Variants in UBE2V1 observed in about 807,000 individuals in gnomAD.
The protein encoded by UBE2V1 is ubiquitin conjugating enzyme E2 V1, also known as ubiquitin-conjugating enzyme E2 variant 1.
A neutral mutation model predicts 19.6 loss-of-function variants in UBE2V1; 15 were observed. The observed-to-expected ratio is 0.77, with a 90% CI of 0.51 to 1.18. The LOEUF (loss-of-function observed/expected upper bound fraction) is 1.18, where lower values mean the gene tolerates loss of function less well. UBE2V1 is among the 50% of genes most tolerant of loss of function. The probability of loss-of-function intolerance (pLI) is 0.00; values close to 1 mark genes in which losing one functional copy is unlikely to be tolerated. For synonymous variants in UBE2V1, 60 were observed against 60.7 expected, an observed-to-expected ratio of 0.99 and a Z score of 0.05; for missense variants, 125 against 184.8, an observed-to-expected ratio of 0.68 and a Z score of 1.88.
Position 50,084,124 on chromosome 20 carries a change from C to G in UBE2V1, c.297+5G>C. 1 of 1,574,174 alleles carries G rather than the reference C, an allele frequency of 6.4e-7. No individual in the cohort carries two copies. Among genetic ancestry groups the G allele is most frequent in the Non-Finnish European group, 8.6e-7 (1 of 1,164,606 alleles). On this transcript the variant is annotated splice_donor_5th_base_variant and intron_variant, in intron 3 of 3. Transcript: ENST00000371674. ...GGAACAAGTGGGACAGAGAAAACAA[C>G]TTACCACTCCATTAGAACTATTTAC...
At chr20:50,113,243 C>T, upstream of UBE2V1, 1 of 803,442 alleles carries the variant, frequency 1.2e-6, no homozygotes, top group Non-Finnish European at 1.7e-6. Flanking sequence ...ACGCCCGCCC[C>T]GGAGACCTGC....
chr20:50,088,806 G>A (rs536528480), intron 2 of UBE2V1, among the ~76,000 whole-genome samples: 1 of 146,820 alleles, frequency 6.8e-6, no homozygotes, highest in East Asian at 2.0e-4. Context: ...AAAAAAGTAT[G>A]AGATATGAGA....
chr20:50,098,472 AC>A (rs1158641544), intron 1 of UBE2V1, among the ~76,000 whole-genome samples: 2 of 152,150 alleles, frequency 1.3e-5, no homozygotes, highest in African/African-American at 4.8e-5. Context: ...AAAAGATAAT[AC>A]CCGTTTGGAC....
At chr20:50,097,070 C>T (rs1203880695) in intron 1 of UBE2V1, among the ~76,000 whole-genome samples, 2 of 152,164 alleles carry the variant, frequency 1.3e-5, no homozygotes, top group African/African-American at 4.8e-5. Flanking sequence ...TAGAAAGATA[C>T]CCCACCCCTA....
rs115245973 is a variant in UBE2V1 at position 50,083,054 on chromosome 20, C to T, written c.298-140G>A. 9.5e-4 allele frequency: 1,293 copies of T among 1,355,808 alleles called. 7 individuals are homozygous for T. The highest frequency in any genetic ancestry group is 7.2e-3 in the African/African-American group (487 of 68,104). 84.0% of individuals were successfully genotyped at this position (1,355,808 alleles called of 1,614,324 possible). On this transcript the variant is annotated intron_variant, in intron 3 of 3. Transcript: ENST00000371674. ...GCTGCTAATCCTAATACCTTACATG[C>T]GGAATACCTACCTGCTAGAGTCCCT... is the stretch of plus-strand genomic sequence containing the variant.
Position 50,096,796 on chromosome 20 carries a change from C to G in UBE2V1, c.47G>C (p.Arg16Pro). 2 of 1,613,902 alleles carry G rather than the reference C, an allele frequency of 1.2e-6. No individual in the cohort carries two copies. The highest frequency in any genetic ancestry group is 1.7e-6 in the Non-Finnish European group (2 of 1,179,924). ...GCCTTCTTCGAGTTCTTCCAACAGT[C>G]GGAAATTGCGAGGGACTTTTACTCC... The part of the protein sequence containing the change: ...GSGVKVPRNF[R>P]LLEELEEGQK... The change falls in exon 2 of 4, where the codon CGA becomes CCA. Residue 16 changes from arginine (R) to proline (P), a missense_variant. Coordinates refer to ENST00000371674, the MANE Select transcript of UBE2V1 (RefSeq NM_001032288.3).
At chr20:50,106,844 AAACAAC>A (rs943087739) in intron 1 of UBE2V1, among the ~76,000 whole-genome samples, 13 of 131,698 alleles carry the variant, frequency 9.9e-5, no homozygotes, top group Non-Finnish European at 1.8e-4. Context: ...TCAAAACCAA[AAACAAC>A]AACAACAACA....
intron 1 of UBE2V1, chr20:50,098,852 G>C: frequency 1.1e-6 from 1 of 896,858 alleles, no homozygotes; most frequent in Non-Finnish European, 1.3e-6. Flanking sequence ...TATGGTATTT[G>C]AAAGGAAACA....
At chr20:50,086,609 GA>G (rs1271127252) in intron 2 of UBE2V1, among the ~76,000 whole-genome samples, 2 of 152,092 alleles carry the variant, frequency 1.3e-5, no homozygotes, top group African/African-American at 4.8e-5. Context: ...AATAGATCCT[GA>G]ATGGAGCAAA....
upstream of UBE2V1, chr20:50,114,989 C>T (rs1431256574): frequency 6.6e-6 from 1 of 152,286 alleles, no homozygotes; most frequent in Non-Finnish European, 1.5e-5. Context: ...TCGAGCGAAC[C>T]CGGGAGGCAG....
At position 50,091,134 on chromosome 20, in the gene UBE2V1, C is replaced by T. The variant is rs527285200; in HGVS notation, c.171+5538G>A. On this transcript the variant is annotated intron_variant, in intron 2 of 3. Transcript: ENST00000371674. The stretch of plus-strand genomic sequence containing the variant: ...TGATCTTGGCCCACTGAAACCTCTG[C>T]CTCCTGGGTTCAAGCGATTCTCCCT... Among the ~76,000 whole-genome samples, 8 of 152,218 alleles carry T rather than the reference C, an allele frequency of 5.3e-5. No individual in the cohort carries two copies. In the East Asian group the frequency reaches 1.5e-3, roughly 29 times the overall value.
At chr20:50,115,651 C>T (rs1182888811), upstream of UBE2V1, 1 of 1,319,654 alleles carries the variant, frequency 7.6e-7, no homozygotes, top group East Asian at 3.0e-5. Flanking sequence ...TCCTAAAACC[C>T]CTTGGGCACA....
intron 2 of UBE2V1, among the ~76,000 whole-genome samples, chr20:50,092,848 T>C (rs1245536179): frequency 1.3e-5 from 2 of 152,164 alleles, no homozygotes; most frequent in African/African-American, 4.8e-5. Context: ...AAAAGTAAGT[T>C]TCCTTTCCAC....
rs910614398 is a variant in UBE2V1, at chr20:50,084,154, T to C, written c.272A>G (p.Asn91Ser). 3.1e-6 allele frequency: 5 copies of C among 1,605,522 alleles called. No homozygotes were observed. Among genetic ancestry groups the C allele is most frequent in the South Asian group, 1.1e-5 (1 of 89,570 alleles). The change falls in exon 3 of 4, where the codon AAT (asparagine) becomes AGT (serine). Residue 91 changes from asparagine (N) to serine (S), a missense_variant. Around this residue, in one of 3 missense-constraint regions of UBE2V1, gnomAD observed 78 missense variants for 108.8 expected, o/e 0.72. Transcript: ENST00000371674. ...CACTCCATTAGAACTATTTACTCCATTCATATTAATTTTTGTTACAAATCT... is the reference window on the plus strand; with the variant it reads ...CACTCCATTAGAACTATTTACTCCACTCATATTAATTTTTGTTACAAATCT... ...FVRFVTKINMNGVNSSNGVVD... is the reference protein window; with the variant it reads ...FVRFVTKINMSGVNSSNGVVD...
chr20:50,090,950 G>A (rs966893590), intron 2 of UBE2V1, among the ~76,000 whole-genome samples: 3 of 152,054 alleles, frequency 2.0e-5, no homozygotes, highest in African/African-American at 7.2e-5. Flanking sequence ...AATAAAGCTG[G>A]GAAAAAAATT....
chr20:50,115,459 C>T (rs1344513296), upstream of UBE2V1: 1 of 1,530,934 alleles, frequency 6.5e-7, no homozygotes, highest in South Asian at 1.2e-5. Context: ...CAAGTGGAAG[C>T]ATTTGGGTTC....
intron 1 of UBE2V1, chr20:50,104,264 G>C (rs973405445): frequency 3.4e-5 from 33 of 962,766 alleles, no homozygotes; most frequent in Non-Finnish European, 3.8e-5. Context: ...CCTGGCAATA[G>C]GGCCAGACTC....
chr20:50,085,606 T>C (rs1182414587), intron 2 of UBE2V1, among the ~76,000 whole-genome samples: 1 of 152,198 alleles, frequency 6.6e-6, no homozygotes, highest in Admixed American at 6.5e-5. Context: ...AGGAGTCTTG[T>C]ACTGCATAAT....
intron 1 of UBE2V1, chr20:50,111,585 G>C: frequency 2.0e-6 from 2 of 1,000,174 alleles, no homozygotes; most frequent in Non-Finnish European, 2.4e-6. Context: ...TCGAGTAAAA[G>C]GATTCATGGT....
Sources: allele counts gnomAD v4.1 joint callset (sites outside exome capture counted in the v4.1 genomes callset), GRCh38; gene constraint gnomAD v4.1.1; regional missense constraint gnomAD v4.1.1; transcripts MANE v1.5; gene names NCBI Gene and HGNC (gene_info 2026-07-23, HGNC 2026-07-21).